Variants in APBA3 observed in about 807,000 individuals in gnomAD.
APBA3 encodes the protein amyloid-beta A4 precursor protein-binding family A member 3.
In APBA3, 45 loss-of-function variants were observed where a neutral mutation model predicts 55.9. The observed-to-expected ratio is 0.80, with a 90% confidence interval of 0.63 to 1.03. APBA3 has a LOEUF of 1.03. Among genes scored for constraint, APBA3 ranks in the 50% least tolerant of loss-of-function variants. APBA3 has a pLI of 0.00. For synonymous variants in APBA3, 370 were observed against 353.3 expected, an observed-to-expected ratio of 1.05 and a Z score of -0.53; for missense variants, 865 against 820.3, an observed-to-expected ratio of 1.05 and a Z score of -0.67.
chr19:3,759,290 T>C (rs920677779), intron 3 of APBA3, among the ~76,000 whole-genome samples: 1 of 152,048 alleles, frequency 6.6e-6, no homozygotes, highest in African/African-American at 2.4e-5. Flanking sequence ...AGGCAGTGAG[T>C]TGGGTCTGGC....
At chr19:3,754,644 A>C in intron 3 of APBA3, 2 of 343,398 alleles carry the variant, frequency 5.8e-6, no homozygotes, top group Non-Finnish European at 5.3e-6. Context: ...CCAGAATTCC[A>C]TGATCAGGCC....
At chr19:3,760,733 A>G (rs1261276468) in intron 1 of APBA3, among the ~76,000 whole-genome samples, 1 of 143,104 alleles carries the variant, frequency 7.0e-6, no homozygotes. Context: ...TGGGCGACAG[A>G]CGAGACTATC....
intron 3 of APBA3, 74 bp downstream of exon 3, chr19:3,759,487 G>T: frequency 7.0e-7 from 1 of 1,430,810 alleles, no homozygotes; most frequent in Non-Finnish European, 9.6e-7. Context: ...GCAAGCTGTT[G>T]CCAGGCTGGT....
rs201096128 is a variant in APBA3 at position 3,760,216 on chromosome 19, C to G, written c.49G>C (p.Asp17His). Residue 17 changes from aspartate to histidine, a missense_variant, in exon 2 of 11, where the codon GAC becomes CAC. Coordinates refer to ENST00000316757, the MANE Select transcript of APBA3 (RefSeq NM_004886.4). Reference protein sequence around the residue: ...SRSPSGPPAMDLEGPRDILVP... With the variant: ...SRSPSGPPAMHLEGPRDILVP... Reference sequence around the variant, plus strand: ...AGAATGTCCCTGGGCCCCTCCAAGTCCATGGCTGGAGGCCCCGAAGGGGAT... The same window carrying G: ...AGAATGTCCCTGGGCCCCTCCAAGTGCATGGCTGGAGGCCCCGAAGGGGAT... The G allele has an allele frequency of 2.5e-4, 409 of 1,611,242 alleles. 1 individual carries two copies. Among genetic ancestry groups the G allele is most frequent in the South Asian group, 5.2e-4 (47 of 91,044 alleles).
intron 8 of APBA3, among the ~76,000 whole-genome samples, chr19:3,752,158 G>A (rs78269198): frequency 0.011 from 1,654 of 152,314 alleles, 17 homozygotes; most frequent in Non-Finnish European, 0.018. Context: ...AGGCTGCAAT[G>A]AGCCAGGTGC....
In APBA3 at chr19:3,759,859, G is replaced by A. The variant is rs774002047; in HGVS notation, c.406C>T (p.Pro136Ser). 24 of 1,612,558 alleles carry A rather than the reference G, an allele frequency of 1.5e-5. No homozygotes were observed. In the South Asian group the frequency reaches 1.8e-4, roughly 12 times the overall value. The change falls in exon 2 of 11, where the codon CCC (proline) becomes TCC (serine). Residue 136 changes from proline (P) to serine (S), a missense_variant. Pro to Ser is a moderately conservative substitution (Grantham distance 74). Transcript: ENST00000316757. ...TGPEEPLEPA[P>S]RLLQPPEDPD... ...TCCTCAGGGGGCTGCAACAGTCGGG[G>A]GGCAGGCTCTAGAGGCTCTTCAGGA...
In APBA3 at chr19:3,754,261, C is replaced by T; in HGVS notation, c.696G>A (p.Val232=). 1 of 1,549,066 alleles carries T rather than the reference C, an allele frequency of 6.5e-7. No individual in the cohort carries two copies. Among genetic ancestry groups the T allele is most frequent in the South Asian group, 1.2e-5 (1 of 83,920 alleles). ...GARYLGSTQL[V]SERNPPTSTR... ...TGCTGGTGGGCGGGTTCCGTTCCGACACCAGCTGGGTGGACCCCAGGTACC... is the reference window on the plus strand; with the variant it reads ...TGCTGGTGGGCGGGTTCCGTTCCGATACCAGCTGGGTGGACCCCAGGTACC... The change falls in exon 4 of 11, where the codon GTG becomes GTA. Residue 232 remains valine, a synonymous_variant. Coordinates refer to ENST00000316757, the MANE Select transcript of APBA3 (RefSeq NM_004886.4).
At position 3,751,443 on chromosome 19, in the gene APBA3, C is replaced by A; in HGVS notation, c.1506G>T (p.Glu502Asp). Residue 502 changes from glutamate (E) to aspartate (D), a missense_variant, in exon 9 of 11, where the codon GAG (glutamate) becomes GAT (aspartate). Coordinates refer to ENST00000316757, the MANE Select transcript of APBA3 (RefSeq NM_004886.4). ...GGGGCCGGGGCCTCACGATGCCGTCCTCCACGCAGAAGCCCAGCTGCTCGC... is the reference window on the plus strand; with the variant it reads ...GGGGCCGGGGCCTCACGATGCCGTCATCCACGCAGAAGCCCAGCTGCTCGC... ...HAREQLGFCV[E>D]DGIICSLLRG... The A allele has an allele frequency of 6.5e-7, 1 of 1,538,406 alleles. No individual in the cohort carries two copies. The highest frequency in any genetic ancestry group is 8.7e-7 in the Non-Finnish European group (1 of 1,146,662).
At chr19:3,753,330 A>T (rs10414735) in intron 6 of APBA3, 146,397 of 407,106 alleles carry the variant, frequency 0.36, 27,654 homozygotes, top group East Asian at 0.5. Flanking sequence ...GGTTTCGGGG[A>T]GTCGGCCGAG....
At chr19:3,751,648 A>G (rs2037007408) in intron 8 of APBA3, 95 bp from the exon 9 acceptor site, 1 of 1,383,832 alleles carries the variant, frequency 7.2e-7, no homozygotes, top group African/African-American at 1.5e-5. Flanking sequence ...CATAAACCAG[A>G]GACCTGGAGT....
Position 3,750,937 on chromosome 19 carries a change from G to A in APBA3, c.*89C>T, listed in dbSNP as rs541277088. The A allele has an allele frequency of 3.9e-4, 542 of 1,390,186 alleles. 1 individual carries two copies. The highest frequency in any genetic ancestry group is 2.7e-4 in the African/African-American group (19 of 69,652). 86.1% of individuals were successfully genotyped at this position (1,390,186 alleles called of 1,614,324 possible). ...AGGAAATCATACAGGACCAAGAACC[G>A]CTGGGGTCCTGGCCAGCCAGGGCAG... is the stretch of plus-strand genomic sequence containing the variant. On this transcript the variant is annotated 3_prime_UTR_variant, in exon 11 of 11. Transcript: ENST00000316757.
chr19:3,757,819 A>C (rs955453805), intron 3 of APBA3, among the ~76,000 whole-genome samples: 4 of 152,254 alleles, frequency 2.6e-5, no homozygotes, highest in Non-Finnish European at 5.9e-5. Context: ...TGTAGGTCAC[A>C]AGGTATCTGC....
Position 3,751,117 on chromosome 19 carries a change from C to T in APBA3, c.1657-20G>A, listed in dbSNP as rs374544886. On this transcript the variant is annotated intron_variant, in intron 10 of 10. Coordinates refer to ENST00000316757, the MANE Select transcript of APBA3 (RefSeq NM_004886.4). ...ATGCACCTGGGGAGTGGAGGCGGAA[C>T]GGGGCTCAGGGCAGGCCTGGGCTCG... The T allele has an allele frequency of 1.6e-5, 25 of 1,563,842 alleles. No individual in the cohort carries two copies. Among genetic ancestry groups the T allele is most frequent in the Admixed American group, 9.6e-5 (5 of 52,138 alleles).
At chr19:3,752,472 G>A (rs1473913167) in intron 8 of APBA3, 36 bp downstream of exon 8, 15 of 1,520,722 alleles carry the variant, frequency 9.9e-6, no homozygotes, top group South Asian at 1.2e-5. Flanking sequence ...TCCCCTTCCT[G>A]GGAGTGTGGG....
chr19:3,753,244 G>A, intron 6 of APBA3: 1 of 550,264 alleles, frequency 1.8e-6, no homozygotes, highest in African/African-American at 1.9e-5. Flanking sequence ...CGCATGGGCT[G>A]TGGGAAAAGC....
At chr19:3,753,084 C>A in intron 6 of APBA3, 94 bp from the exon 7 acceptor site, 1 of 1,439,046 alleles carries the variant, frequency 6.9e-7, no homozygotes, top group East Asian at 2.3e-5. Context: ...CCCTCCTGTC[C>A]CCACCTGGGG....
intron 3 of APBA3, among the ~76,000 whole-genome samples, chr19:3,756,982 ATTCC>A (rs1299762849): frequency 1.3e-5 from 2 of 152,204 alleles, no homozygotes; most frequent in African/African-American, 4.8e-5. Context: ...ATCAGCCCAG[ATTCC>A]TTTACCCTAG....
At chr19:3,760,990 T>A (rs1270412306) in intron 1 of APBA3, among the ~76,000 whole-genome samples, 4 of 152,120 alleles carry the variant, frequency 2.6e-5, no homozygotes, top group Non-Finnish European at 4.4e-5. Flanking sequence ...TCTAGCTGGG[T>A]ACTGTTCATA....
rs1387000177 is a variant in APBA3, at chr19:3,751,416, C to T, written c.1515+18G>A. On this transcript the variant is annotated intron_variant, in intron 9 of 10. Transcript: ENST00000316757. ...CCGCCCTACCCCCCCACCCCGGGGC[C>T]AGGGGCCGGGGCCTCACGATGCCGT... is the stretch of plus-strand genomic sequence containing the variant. 1 of 1,519,734 alleles carries T rather than the reference C, an allele frequency of 6.6e-7. No individual in the cohort carries two copies. The highest frequency in any genetic ancestry group is 2.1e-5 in the Admixed American group (1 of 47,360). The allele number at this position is 1,519,734 out of a possible 1,614,324, so 94.1% of individuals were successfully genotyped here. A position where few individuals can be genotyped will look rare whatever the true frequency, so the allele number is the denominator to read the frequency against.
Sources: gnomAD v4.1 joint callset for allele counts (sites outside exome capture counted in the v4.1 genomes callset) on GRCh38, gnomAD v4.1.1 for gene constraint, MANE v1.5 for transcripts, NCBI Gene and HGNC (gene_info 2026-07-23, HGNC 2026-07-21) for gene names.